NDUFB3: variants seen among roughly 807,000 people sequenced by gnomAD.
NDUFB3 encodes the protein NADH dehydrogenase [ubiquinone] 1 beta subcomplex subunit 3.
Under a neutral mutation model 9.0 loss-of-function variants are expected in NDUFB3, and 7 were observed. That is an observed-to-expected ratio of 0.78 (90% CI 0.44 to 1.46). NDUFB3 has a LOEUF of 1.46. Ranked by LOEUF, NDUFB3 falls within the 40% of genes most tolerant of loss-of-function variation. NDUFB3 has a pLI of 0.01. For missense variants in NDUFB3, 93 were observed against 115.4 expected (o/e 0.81, Z 0.89); for synonymous variants, 29 against 38.5 (o/e 0.75, Z 0.91).
At chr2:201,084,196 A>G (rs958148165) in intron 2 of NDUFB3, among the ~76,000 whole-genome samples, 2 of 151,586 alleles carry the variant, frequency 1.3e-5, no homozygotes, top group Non-Finnish European at 2.9e-5. Flanking sequence ...AGGCTGAGGC[A>G]GGAGAATCCC....
chr2:201,075,179 GAAAAAA>G (rs752371143), intron 1 of NDUFB3, among the ~76,000 whole-genome samples: 1 of 91,104 alleles, frequency 1.1e-5, no homozygotes, highest in Admixed American at 1.2e-4. Flanking sequence ...GATCCTGTCT[GAAAAAA>G]AAAAAAAAAA....
rs1246546256 is a variant in NDUFB3, at chr2:201,078,917, A to T, written c.35A>T (p.His12Leu). The change falls in exon 2 of 3, where the codon CAT becomes CTT. Residue 12 changes from histidine to leucine, a missense_variant. By Grantham distance (99) the His-to-Leu change is moderately conservative. Coordinates refer to ENST00000237889, the MANE Select transcript of NDUFB3 (RefSeq NM_002491.3). The stretch of plus-strand genomic sequence containing the variant: ...GAACATGGACATGAGCATGGACATC[A>T]TAAAATGGAACTTCCAGATTATAGA... ...AHEHGHEHGHHKMELPDYRQW... is the reference protein window; with the variant it reads ...AHEHGHEHGHLKMELPDYRQW... 8 of 1,612,548 alleles carry T rather than the reference A, an allele frequency of 5.0e-6. No homozygotes were observed. In the East Asian group the frequency reaches 1.8e-4, roughly 36 times the overall value.
At chr2:201,075,169 G>A (rs1399740255) in intron 1 of NDUFB3, among the ~76,000 whole-genome samples, 1 of 133,800 alleles carries the variant, frequency 7.5e-6, no homozygotes, top group Non-Finnish European at 1.6e-5. Flanking sequence ...AACATAGGAA[G>A]ATCCTGTCTG....
At chr2:201,084,842 C>A (rs963229874) in intron 2 of NDUFB3, among the ~76,000 whole-genome samples, 1 of 152,058 alleles carries the variant, frequency 6.6e-6, no homozygotes, top group African/African-American at 2.4e-5. Flanking sequence ...CAGACCAGAG[C>A]AGGGTATCAA....
intron 2 of NDUFB3, among the ~76,000 whole-genome samples, chr2:201,082,597 T>C (rs2047239501): frequency 6.6e-6 from 1 of 152,060 alleles, no homozygotes; most frequent in East Asian, 1.9e-4. Flanking sequence ...CTATTGTAAA[T>C]AGTATTTTAA....
Position 201,078,065 on chromosome 2 carries a change from G to T in NDUFB3, c.-2-816G>T, listed in dbSNP as rs370427441. 1.1e-4 allele frequency among the ~76,000 whole-genome samples: 17 copies of T among 152,116 alleles called. No individual in the cohort carries two copies. The South Asian group carries it at 3.5e-3, about 32-fold the overall frequency. ...CACTTGTAATCCCAGCACTTTGGGA[G>T]GCTGAGGTGGGTGGATCACGAGGTC... On this transcript the variant is annotated intron_variant, in intron 1 of 2. Transcript: ENST00000237889.
intron 1 of NDUFB3, chr2:201,072,350 G>A (rs1485107759): frequency 6.6e-6 from 1 of 152,182 alleles, no homozygotes; most frequent in Admixed American, 6.5e-5. Context: ...CAGAAGAACA[G>A]CATCACTAAA....
chr2:201,079,177 G>C (rs1472109555), intron 2 of NDUFB3, among the ~76,000 whole-genome samples, 155 bp downstream of exon 2: 2 of 152,064 alleles, frequency 1.3e-5, no homozygotes, highest in Non-Finnish European at 2.9e-5. Context: ...ACGGTGTCTT[G>C]CTGTGTTGCC....
rs1185626167 is a variant in NDUFB3, at chr2:201,084,289, CA to C, written c.141-1156del. On this transcript the variant is annotated intron_variant, in intron 2 of 2. Transcript: ENST00000237889. Reference sequence around the variant, plus strand: ...CAGGCGACAGTGCGAGACTCCATCTCAAAAAAAAAAAAAATACAAAAATTAG... The same window carrying C: ...CAGGCGACAGTGCGAGACTCCATCTCAAAAAAAAAAAAATACAAAAATTAG... 9.2e-3 allele frequency among the ~76,000 whole-genome samples: 1,233 copies of C among 134,258 alleles called. 9 individuals carry two copies. The highest frequency in any genetic ancestry group is 9.9e-3 in the African/African-American group (357 of 36,210). The allele number at this position is 134,258 out of a possible 152,430, so 88.1% of individuals were successfully genotyped here. A position where few individuals can be genotyped will look rare whatever the true frequency, so the allele number is the denominator to read the frequency against.
intron 1 of NDUFB3, among the ~76,000 whole-genome samples, chr2:201,075,363 A>C (rs1409679897): frequency 6.6e-6 from 1 of 151,974 alleles, no homozygotes; most frequent in African/African-American, 2.4e-5. Context: ...CAGGAGATCG[A>C]GACCATCCTA....
At chr2:201,074,683 T>C (rs1449445072) in intron 1 of NDUFB3, among the ~76,000 whole-genome samples, 2 of 152,162 alleles carry the variant, frequency 1.3e-5, no homozygotes, top group Non-Finnish European at 2.9e-5. Context: ...TCTCAACTCC[T>C]GGCCTCAAGT....
intron 2 of NDUFB3, among the ~76,000 whole-genome samples, chr2:201,081,372 A>C (rs1459775505): frequency 6.6e-6 from 1 of 151,776 alleles, no homozygotes; most frequent in Non-Finnish European, 1.5e-5. Context: ...AATCCCAGCT[A>C]CTCAGGAGGC....
chr2:201,072,923 G>T (rs1030586347), intron 1 of NDUFB3, among the ~76,000 whole-genome samples: 1 of 152,114 alleles, frequency 6.6e-6, no homozygotes, highest in Non-Finnish European at 1.5e-5. Flanking sequence ...AATTGGTGGG[G>T]CCGGGGTCGG....
At chr2:201,081,956 CA>C (rs1244782444) in intron 2 of NDUFB3, among the ~76,000 whole-genome samples, 2 of 151,958 alleles carry the variant, frequency 1.3e-5, no homozygotes, top group Non-Finnish European at 2.9e-5. Context: ...GCTGGGACTA[CA>C]GGCGCCCACC....
At chr2:201,072,288 C>G (rs1268559882) in intron 1 of NDUFB3, 1 of 152,172 alleles carries the variant, frequency 6.6e-6, no homozygotes, top group Non-Finnish European at 1.5e-5. Flanking sequence ...GGTGCTTGTT[C>G]CCGCTTCTGC....
At chr2:201,074,826 T>C (rs952124205) in intron 1 of NDUFB3, among the ~76,000 whole-genome samples, 1 of 152,158 alleles carries the variant, frequency 6.6e-6, no homozygotes, top group Non-Finnish European at 1.5e-5. Context: ...ACCACCTAAG[T>C]ATGAAAGTAG....
intron 2 of NDUFB3, among the ~76,000 whole-genome samples, chr2:201,082,455 A>T (rs941954978): frequency 6.7e-6 from 1 of 149,684 alleles, no homozygotes; most frequent in Admixed American, 6.7e-5. Flanking sequence ...TGTTGAGACG[A>T]GGTTTTCCTG....
At chr2:201,081,282 G>A (rs930424464) in intron 2 of NDUFB3, among the ~76,000 whole-genome samples, 26 of 151,804 alleles carry the variant, frequency 1.7e-4, no homozygotes, top group Middle Eastern at 3.4e-3. Flanking sequence ...TCAGGTGTTC[G>A]AGACCAGCCT....
chr2:201,074,255 C>G (rs1031888084), intron 1 of NDUFB3, among the ~76,000 whole-genome samples: 1 of 151,766 alleles, frequency 6.6e-6, no homozygotes, highest in Non-Finnish European at 1.5e-5. Flanking sequence ...TCCTGGCCTC[C>G]AAAGACACAT....
Sources: gnomAD v4.1 joint callset for allele counts (sites outside exome capture counted in the v4.1 genomes callset) on GRCh38, gnomAD v4.1.1 for gene constraint, MANE v1.5 for transcripts, NCBI Gene and HGNC (gene_info 2026-07-23, HGNC 2026-07-21) for gene names.